The following ADAMTSL1 variants were observed in gnomAD, a reference collection of about 807,000 sequenced individuals.
The protein encoded by ADAMTSL1 is ADAMTS like 1.
In ADAMTSL1, 126 loss-of-function variants were observed where a neutral mutation model predicts 201.8. The observed-to-expected ratio is 0.62, with a 90% CI of 0.54 to 0.72. The LOEUF is 0.72. ADAMTSL1 is among the 30% of genes least tolerant of loss of function. ADAMTSL1 has a pLI of 0.00. For missense variants in ADAMTSL1, 2,679 were observed against 2,277.8 expected (o/e 1.18, Z -3.59); for synonymous variants, 1,121 against 903.4 (o/e 1.24, Z -4.32).
At chr9:18,822,977 A>G (rs1204180327) in intron 21 of ADAMTSL1, among the ~76,000 whole-genome samples, 1 of 152,134 alleles carries the variant, frequency 6.6e-6, no homozygotes, top group Non-Finnish European at 1.5e-5. Flanking sequence ...AGAAAAAAAA[A>G]CTTTATAACA....
intron 3 of ADAMTSL1, among the ~76,000 whole-genome samples, chr9:18,551,123 T>C (rs1820775204): frequency 6.6e-6 from 1 of 151,780 alleles, no homozygotes. Context: ...CAAAACAAAA[T>C]GCCAAAGTTT....
intron 2 of ADAMTSL1, among the ~76,000 whole-genome samples, chr9:18,409,259 T>A (rs929249263): frequency 6.6e-6 from 1 of 151,136 alleles, no homozygotes; most frequent in Non-Finnish European, 1.5e-5. Context: ...GGTGCATGCC[T>A]GTAATCCCAG....
chr9:17,960,272 A>G (rs1054098960), intron 1 of ADAMTSL1, among the ~76,000 whole-genome samples: 1 of 152,164 alleles, frequency 6.6e-6, no homozygotes, highest in Non-Finnish European at 1.5e-5. Flanking sequence ...TGTAGATACT[A>G]TGTCTGCTTG....
At chr9:18,718,429 G>A (rs1833103554) in intron 14 of ADAMTSL1, 1 of 647,796 alleles carries the variant, frequency 1.5e-6, no homozygotes, top group Admixed American at 1.9e-5. Context: ...TCTATCATAG[G>A]ACATATTTTT....
At chr9:18,829,293 A>G (rs1369843887) in intron 22 of ADAMTSL1, among the ~76,000 whole-genome samples, 3 of 152,208 alleles carry the variant, frequency 2.0e-5, no homozygotes, top group African/African-American at 7.2e-5. Flanking sequence ...ACTTAGGCAT[A>G]AAAATCCAAA....
chr9:17,930,463 A>G (rs925136820), intron 1 of ADAMTSL1, among the ~76,000 whole-genome samples: 2 of 152,124 alleles, frequency 1.3e-5, no homozygotes, highest in Non-Finnish European at 2.9e-5. Context: ...TCCCTCCACA[A>G]GAAATCAGTT....
intron 1 of ADAMTSL1, among the ~76,000 whole-genome samples, chr9:18,091,829 T>C (rs1401581863): frequency 6.6e-6 from 1 of 151,916 alleles, no homozygotes; most frequent in African/African-American, 2.4e-5. Flanking sequence ...CCTAAAATGA[T>C]GAATAAGAAA....
chr9:18,508,171 G>T (rs980759528), intron 2 of ADAMTSL1, among the ~76,000 whole-genome samples: 2 of 149,372 alleles, frequency 1.3e-5, no homozygotes, highest in African/African-American at 4.9e-5. Context: ...GGCGACGAGC[G>T]AAACTCCGTC....
At chr9:18,298,481 T>A (rs550437320) in intron 2 of ADAMTSL1, among the ~76,000 whole-genome samples, 42 of 152,224 alleles carry the variant, frequency 2.8e-4, no homozygotes, top group African/African-American at 9.9e-4. Context: ...AGAAACATAA[T>A]CTCTGGTCCA....
intron 2 of ADAMTSL1, among the ~76,000 whole-genome samples, chr9:18,205,996 G>T (rs1829633002): frequency 1.5e-5 from 2 of 132,226 alleles, no homozygotes; most frequent in South Asian, 5.1e-4. Flanking sequence ...AGAGTTTGCA[G>T]TGAGCTGAGA....
intron 2 of ADAMTSL1, among the ~76,000 whole-genome samples, chr9:18,365,837 C>T (rs1836743832): frequency 1.3e-5 from 2 of 152,170 alleles, no homozygotes; most frequent in Non-Finnish European, 2.9e-5. Flanking sequence ...CTGAGTTCCG[C>T]CTGCTGTCAG....
chr9:18,099,340 TA>T (rs1563999586), intron 1 of ADAMTSL1, among the ~76,000 whole-genome samples: 4 of 46,826 alleles, frequency 8.5e-5, no homozygotes, highest in African/African-American at 3.1e-4. Flanking sequence ...TATATATATA[TA>T]TATATATATA....
At chr9:18,274,425 C>T (rs993290601) in intron 2 of ADAMTSL1, among the ~76,000 whole-genome samples, 1 of 152,012 alleles carries the variant, frequency 6.6e-6, no homozygotes, top group Non-Finnish European at 1.5e-5. Flanking sequence ...AGTTTTTCAT[C>T]TAGATTATTT....
intron 1 of ADAMTSL1, among the ~76,000 whole-genome samples, chr9:17,989,933 T>TC (rs1305594271): frequency 2.6e-5 from 4 of 151,414 alleles, no homozygotes; most frequent in African/African-American, 9.7e-5. Context: ...TTTTTTTTTT[T>TC]CCCAAACGTA....
chr9:18,805,898 C>A (rs1469072926), intron 20 of ADAMTSL1, among the ~76,000 whole-genome samples: 1 of 152,178 alleles, frequency 6.6e-6, no homozygotes, highest in Non-Finnish European at 1.5e-5. Flanking sequence ...AGCCTGCGGT[C>A]CTTGTGTCTG....
chr9:18,030,554 T>C (rs1440686231), intron 1 of ADAMTSL1, among the ~76,000 whole-genome samples: 1 of 151,694 alleles, frequency 6.6e-6, no homozygotes, highest in African/African-American at 2.4e-5. Context: ...AGTATAATAT[T>C]AATAAAAAGA....
intron 17 of ADAMTSL1, among the ~76,000 whole-genome samples, chr9:18,774,505 C>T (rs1281373869): frequency 2.0e-5 from 3 of 151,952 alleles, no homozygotes; most frequent in Non-Finnish European, 4.4e-5. Context: ...ATCTTCAAGA[C>T]CTTGGTGAGG....
At chr9:18,088,632 A>G (rs1002374855) in intron 1 of ADAMTSL1, among the ~76,000 whole-genome samples, 4 of 152,222 alleles carry the variant, frequency 2.6e-5, no homozygotes, top group Non-Finnish European at 5.9e-5. Context: ...AAAGCTGCTC[A>G]GTGTCGGTAA....
rs543225103 is a variant in ADAMTSL1, at chr9:18,608,115, T to A, written c.475-14128T>A. Among the ~76,000 whole-genome samples, 28 of 152,310 alleles carry A rather than the reference T, an allele frequency of 1.8e-4. No individual in the cohort carries two copies. The South Asian group carries it at 5.8e-3, about 32-fold the overall frequency. ...AAATTGGAAATGCCTTTTCTTCTTT[T>A]CCCATGGTCCACCATGAAGCAGTAA... On this transcript the variant is annotated intron_variant, in intron 4 of 28. Coordinates refer to ENST00000380548, the MANE Select transcript of ADAMTSL1 (RefSeq NM_001040272.6).
Sources: gnomAD v4.1 joint callset for allele counts (sites outside exome capture counted in the v4.1 genomes callset) on GRCh38, gnomAD v4.1.1 for gene constraint, MANE v1.5 for transcripts, NCBI Gene and HGNC (gene_info 2026-07-23, HGNC 2026-07-21) for gene names.